Variants in TPH2 observed in about 807,000 individuals in gnomAD.
The protein encoded by TPH2 is tryptophan 5-hydroxylase 2.
Under a neutral mutation model 59.1 loss-of-function variants are expected in TPH2, and 27 were observed. That is an observed-to-expected ratio of 0.46 (90% confidence interval 0.34 to 0.63). The LOEUF is 0.63. TPH2 is among the 30% of genes least tolerant of loss of function. The probability of loss-of-function intolerance (pLI) is 0.01; values close to 1 mark genes in which losing one functional copy is unlikely to be tolerated. For synonymous variants in TPH2, 220 were observed against 210.5 expected, an observed-to-expected ratio of 1.05 and a Z score of -0.39; for missense variants, 523 against 588.3, an observed-to-expected ratio of 0.89 and a Z score of 1.15.
intron 5 of TPH2, 34 bp from the exon 6 acceptor site, chr12:71,972,485 G>A (rs773904298): frequency 5.6e-6 from 9 of 1,607,642 alleles, no homozygotes; most frequent in African/African-American, 5.3e-5. Flanking sequence ...GTGATTCAAA[G>A]TTAGATTCAT....
At chr12:72,026,016 G>A (rs1873558742) in intron 9 of TPH2, among the ~76,000 whole-genome samples, 1 of 152,200 alleles carries the variant, frequency 6.6e-6, no homozygotes, top group Admixed American at 6.5e-5. Context: ...GTTGAGTCCA[G>A]TTCTCTTGGA....
chr12:72,020,931 CA>C (rs1873394357), intron 8 of TPH2, among the ~76,000 whole-genome samples: 1 of 152,148 alleles, frequency 6.6e-6, no homozygotes, highest in African/African-American at 2.4e-5. Flanking sequence ...CTTCAGAGAT[CA>C]CCCTCACATC....
intron 8 of TPH2, among the ~76,000 whole-genome samples, 169 bp downstream of exon 8, chr12:71,994,734 T>C (rs1300376993): frequency 6.6e-6 from 1 of 152,202 alleles, no homozygotes; most frequent in Admixed American, 6.5e-5. Context: ...TATCAGCTTA[T>C]TGACCACCAA....
At chr12:71,982,393 C>G (rs1317106372) in intron 7 of TPH2, among the ~76,000 whole-genome samples, 1 of 152,156 alleles carries the variant, frequency 6.6e-6, no homozygotes, top group African/African-American at 2.4e-5. Context: ...GAGTTTCTTT[C>G]CATCCTCTGC....
At chr12:71,972,479 T>C in intron 5 of TPH2, 40 bp from the exon 6 acceptor site, 1 of 1,601,004 alleles carries the variant, frequency 6.2e-7, no homozygotes, top group Non-Finnish European at 8.6e-7. Context: ...AACTCAGTGA[T>C]TCAAAGTTAG....
At chr12:71,971,420 G>A (rs542616522) in intron 5 of TPH2, among the ~76,000 whole-genome samples, 2 of 152,308 alleles carry the variant, frequency 1.3e-5, no homozygotes, top group African/African-American at 4.8e-5. Context: ...CAAATCCTGA[G>A]TTTCAGAATA....
chr12:71,950,753 G>A (rs1871323478), intron 5 of TPH2, among the ~76,000 whole-genome samples: 2 of 152,112 alleles, frequency 1.3e-5, no homozygotes, highest in African/African-American at 2.4e-5. Flanking sequence ...CCTGTGAGGC[G>A]AATTTTTCAC....
At position 72,031,590 on chromosome 12, in the gene TPH2, T is replaced by A. The variant is rs753912770; in HGVS notation, c.1368T>A (p.Ile456=). The change falls in exon 11 of 11, where the codon ATT becomes ATA. Residue 456 remains isoleucine (I), a synonymous_variant. Transcript: ENST00000333850. The part of the protein sequence containing the change: ...YFNPYTQSIE[I]LKDTRSIENV... ...ATCCCTACACACAGAGTATTGAAATTCTGAAAGACACCAGAAGTATTGAAA... is the reference window on the plus strand; with the variant it reads ...ATCCCTACACACAGAGTATTGAAATACTGAAAGACACCAGAAGTATTGAAA... 1.2e-6 allele frequency: 2 copies of A among 1,613,622 alleles called. No homozygotes were observed. The highest frequency in any genetic ancestry group is 4.5e-5 in the East Asian group (2 of 44,868).
intron 8 of TPH2, among the ~76,000 whole-genome samples, chr12:71,996,777 G>C (rs1410913472): frequency 1.3e-5 from 2 of 152,132 alleles, no homozygotes; most frequent in Non-Finnish European, 2.9e-5. Flanking sequence ...CCTTGTGAGT[G>C]CAGTTAGTCC....
chr12:71,954,328 C>T (rs367764457), intron 5 of TPH2, among the ~76,000 whole-genome samples: 41 of 152,206 alleles, frequency 2.7e-4, no homozygotes, highest in African/African-American at 9.2e-4. Flanking sequence ...CCAATAATAG[C>T]GCAGGAAACA....
chr12:71,954,093 A>G (rs1318339417), intron 5 of TPH2, among the ~76,000 whole-genome samples: 2 of 152,278 alleles, frequency 1.3e-5, no homozygotes, highest in East Asian at 1.9e-4. Flanking sequence ...ACAAGCAGAG[A>G]AAAATGAAAA....
At chr12:72,015,177 C>G (rs1310528881) in intron 8 of TPH2, among the ~76,000 whole-genome samples, 1 of 151,944 alleles carries the variant, frequency 6.6e-6, no homozygotes. Flanking sequence ...GGGGCCTTTA[C>G]CTTTCAACAA....
At chr12:72,014,241 C>A (rs1231230043) in intron 8 of TPH2, among the ~76,000 whole-genome samples, 1 of 152,124 alleles carries the variant, frequency 6.6e-6, no homozygotes, top group African/African-American at 2.4e-5. Flanking sequence ...TCTGGACCAG[C>A]CCTAACATCT....
intron 8 of TPH2, among the ~76,000 whole-genome samples, chr12:72,020,450 G>A (rs1873378345): frequency 6.6e-6 from 1 of 152,108 alleles, no homozygotes; most frequent in Non-Finnish European, 1.5e-5. Context: ...GGTAGTAAGT[G>A]CTGTAGGTTG....
intron 8 of TPH2, among the ~76,000 whole-genome samples, chr12:72,002,640 G>A (rs1363550957): frequency 6.6e-6 from 1 of 152,040 alleles, no homozygotes; most frequent in Non-Finnish European, 1.5e-5. Flanking sequence ...ATGCATATTA[G>A]CATGCCAAGC....
intron 5 of TPH2, among the ~76,000 whole-genome samples, chr12:71,958,505 C>T (rs1253656984): frequency 5.9e-5 from 9 of 152,202 alleles, no homozygotes; most frequent in East Asian, 3.8e-4. Context: ...ATTTAATACA[C>T]TTAGAATTTT....
At position 72,032,145 on chromosome 12, in the gene TPH2, T is replaced by C. The variant is rs1282530596; in HGVS notation, c.*450T>C. ...GCATTATTTGAGATAAACCCAGAAT[T>C]GTAGGAAACTTCCCATCACAATAAC... On this transcript the variant is annotated 3_prime_UTR_variant, in exon 11 of 11. Coordinates refer to ENST00000333850, the MANE Select transcript of TPH2 (RefSeq NM_173353.4). 2.1e-5 allele frequency: 4 copies of C among 186,360 alleles called. No homozygotes were observed. The highest frequency in any genetic ancestry group is 5.4e-5 in the Admixed American group (1 of 18,532). The allele number at this position is 186,360 out of a possible 1,614,324, so 11.5% of individuals were successfully genotyped here.
At chr12:71,955,769 G>T (rs531539858) in intron 5 of TPH2, among the ~76,000 whole-genome samples, 38 of 152,162 alleles carry the variant, frequency 2.5e-4, no homozygotes, top group Middle Eastern at 3.4e-3. Context: ...CTGTCCTCAT[G>T]CTCCAAATCA....
At position 72,001,897 on chromosome 12, in the gene TPH2, T is replaced by A. The variant is rs1280869395; in HGVS notation, c.1068+7332T>A. 3.3e-5 allele frequency among the ~76,000 whole-genome samples: 5 copies of A among 152,004 alleles called. No homozygotes were observed. The South Asian group carries it at 1.0e-3, about 32-fold the overall frequency. On this transcript the variant is annotated intron_variant, in intron 8 of 10. Transcript: ENST00000333850. The stretch of plus-strand genomic sequence containing the variant: ...GTAAGATGAAGCTCCATTTTGGAAA[T>A]GTTAAAGTATAAAAAAAGTGAACTT...
Sources: gnomAD v4.1 joint callset for allele counts (sites outside exome capture counted in the v4.1 genomes callset) on GRCh38, gnomAD v4.1.1 for gene constraint, MANE v1.5 for transcripts, NCBI Gene and HGNC (gene_info 2026-07-23, HGNC 2026-07-21) for gene names.